MYRF: variants seen among roughly 807,000 people sequenced by gnomAD.
The protein encoded by MYRF is myelin gene regulatory factor.
Under a neutral mutation model 126.3 loss-of-function variants are expected in MYRF, and 16 were observed. The observed-to-expected ratio is 0.13, with a 90% CI of 0.09 to 0.19. The LOEUF (loss-of-function observed/expected upper bound fraction) is 0.19. MYRF is among the 10% of genes least tolerant of loss of function. The probability of loss-of-function intolerance (pLI) is 1.00; values close to 1 mark genes in which losing one functional copy is unlikely to be tolerated. For missense variants in MYRF, 1,104 were observed against 1,547.0 expected (o/e 0.71, Z 4.80); for synonymous variants, 608 against 635.3 (o/e 0.96, Z 0.65).
rs12280921 is a variant in MYRF at position 61,762,494 on chromosome 11, C to T, written c.47-3131C>T. Among the ~76,000 whole-genome samples, 1,100 of 152,308 alleles carry T rather than the reference C, an allele frequency of 7.2e-3. 18 individuals are homozygous for T. Among genetic ancestry groups the T allele is most frequent in the African/African-American group, 0.025 (1,057 of 41,566 alleles). ...GGCCCATGTTCCGCTTCCTGCCTGG[C>T]AGGTACCCCTGCTTGGGCTCCAGTG... On this transcript the variant is annotated intron_variant, in intron 1 of 26. Coordinates refer to ENST00000278836, the MANE Select transcript of MYRF (RefSeq NM_001127392.3).
At chr11:61,771,988 C>G (rs769535193) in intron 7 of MYRF, 36 bp downstream of exon 7, 1 of 1,610,712 alleles carries the variant, frequency 6.2e-7, no homozygotes, top group Non-Finnish European at 8.5e-7. Context: ...TCCTCCAGGC[C>G]CCCCCACCTT....
chr11:61,771,177 G>A (rs1224844639), intron 5 of MYRF, among the ~76,000 whole-genome samples: 1 of 152,214 alleles, frequency 6.6e-6, no homozygotes, highest in African/African-American at 2.4e-5. Context: ...GACACTGCAG[G>A]CAGGGACAAA....
chr11:61,779,520 C>T lies in MYRF; in HGVS notation c.2197C>T (p.Arg733Trp), dbSNP rs372463835. The change falls in exon 16 of 27, where the codon CGG (arginine) becomes TGG (tryptophan). Residue 733 changes from arginine (R) to tryptophan (W), a missense_variant. This residue lies in a region of MYRF where 323 missense variants were observed against 383.1 expected (regional missense o/e 0.84). Coordinates refer to ENST00000278836, the MANE Select transcript of MYRF (RefSeq NM_001127392.3). ...CAGCCATGCAGGGAGCCAGTTCAGTCGGGCGGGCAGCGTCCCCCACAAGAA... is the reference window on the plus strand; with the variant it reads ...CAGCCATGCAGGGAGCCAGTTCAGTTGGGCGGGCAGCGTCCCCCACAAGAA... ...AFSHAGSQFS[R>W]AGSVPHKKRP... The T allele has an allele frequency of 4.4e-5, 66 of 1,516,690 alleles. 1 individual carries two copies. Among genetic ancestry groups the T allele is most frequent in the Middle Eastern group, 3.6e-4 (2 of 5,538 alleles). The allele number at this position is 1,516,690 out of a possible 1,614,324, so 94.0% of individuals were successfully genotyped here. A position where few individuals can be genotyped will look rare whatever the true frequency, so the allele number is the denominator to read the frequency against.
intron 1 of MYRF, chr11:61,755,703 A>G (rs1204493385): frequency 2.0e-5 from 14 of 686,370 alleles, no homozygotes; most frequent in Non-Finnish European, 3.2e-5. Context: ...AGCCCTGGGA[A>G]GGAGAGACAT....
rs750977779 is a variant in MYRF, at chr11:61,771,524, G to A, written c.765G>A (p.Lys255=). ...GAELPTHPSK[K]RKHSESPPST... ...GGCTCCCTACACACCCCTCCAAGAA[G>A]AGGAAGCACTCTGAATCCCCCCCCA... Residue 255 remains lysine (K), a synonymous_variant, in exon 6 of 27, where the codon AAG becomes AAA. Coordinates refer to ENST00000278836, the MANE Select transcript of MYRF (RefSeq NM_001127392.3). 1 of 1,613,746 alleles carries A rather than the reference G, an allele frequency of 6.2e-7. No individual in the cohort carries two copies. The highest frequency in any genetic ancestry group is 2.2e-5 in the East Asian group (1 of 44,866).
In MYRF at chr11:61,775,085, C is replaced by T. The variant is rs540596927; in HGVS notation, c.1311+923C>T. On this transcript the variant is annotated intron_variant, in intron 8 of 26. Transcript: ENST00000278836. Reference sequence around the variant, plus strand: ...CCCTGGAAGATCCCTCTACCTGGTCCGGTCCTCGCCTCTTTCCTGTCCATC... The same window carrying T: ...CCCTGGAAGATCCCTCTACCTGGTCTGGTCCTCGCCTCTTTCCTGTCCATC... Among the ~76,000 whole-genome samples the T allele has an allele frequency of 2.0e-4, 30 of 152,296 alleles. No individual in the cohort carries two copies. The East Asian group carries it at 5.2e-3, about 26-fold the overall frequency.
intron 1 of MYRF, among the ~76,000 whole-genome samples, chr11:61,764,286 G>A (rs1476473463): frequency 1.3e-5 from 2 of 152,204 alleles, no homozygotes; most frequent in African/African-American, 4.8e-5. Context: ...GGGACCCCAG[G>A]GCTCTGGGGC....
In MYRF at chr11:61,771,922, C is replaced by A; in HGVS notation, c.1085C>A (p.Ala362Glu). 6.2e-7 allele frequency: 1 copy of A among 1,614,078 alleles called. No individual in the cohort carries two copies. The highest frequency in any genetic ancestry group is 8.5e-7 in the Non-Finnish European group (1 of 1,179,996). Residue 362 changes from alanine (A) to glutamate (E), a missense_variant, in exon 7 of 27, where the codon GCG (alanine) becomes GAG (glutamate). By Grantham distance (107) the Ala-to-Glu change is moderately radical. Coordinates refer to ENST00000278836, the MANE Select transcript of MYRF (RefSeq NM_001127392.3). ...CAGCCTCATCAGCAGAACAAGTGGGCGACCCTGTACGATGCTAACTACAAG... is the reference window on the plus strand; with the variant it reads ...CAGCCTCATCAGCAGAACAAGTGGGAGACCCTGTACGATGCTAACTACAAG... ...KWQPHQQNKW[A>E]TLYDANYKEL...
chr11:61,765,838 C>G lies in MYRF; in HGVS notation c.135-120C>G, dbSNP rs772118126. On this transcript the variant is annotated intron_variant, in intron 2 of 26. Coordinates refer to ENST00000278836, the MANE Select transcript of MYRF (RefSeq NM_001127392.3). Reference sequence around the variant, plus strand: ...GGTCCCACCTCTGAAAGCTGCTCCTCGTCCCTTCCCAGCCACTGACTCCTC... The same window carrying G: ...GGTCCCACCTCTGAAAGCTGCTCCTGGTCCCTTCCCAGCCACTGACTCCTC... 14 of 1,418,838 alleles carry G rather than the reference C, an allele frequency of 9.9e-6. 1 individual carries two copies. In the South Asian group the frequency reaches 1.8e-4, roughly 18 times the overall value. The allele number at this position is 1,418,838 out of a possible 1,614,324, so 87.9% of individuals were successfully genotyped here.
intron 7 of MYRF, among the ~76,000 whole-genome samples, chr11:61,772,410 G>T (rs1347198033): frequency 6.6e-6 from 1 of 152,238 alleles, no homozygotes; most frequent in African/African-American, 2.4e-5. Context: ...CAGGCCGCAG[G>T]CCGGGAGCCC....
intron 8 of MYRF, 129 bp downstream of exon 8, chr11:61,774,291 G>A: frequency 1.2e-6 from 1 of 835,138 alleles, no homozygotes; most frequent in East Asian, 2.7e-5. Context: ...TTGGGAGTCA[G>A]GCAGATCACT....
At chr11:61,767,106 T>C (rs948185913) in intron 3 of MYRF, 1 of 456,478 alleles carries the variant, frequency 2.2e-6, no homozygotes, top group Non-Finnish European at 4.4e-6. Flanking sequence ...ATGGTGGCCA[T>C]GGACACATGG....
Position 61,777,858 on chromosome 11 carries a change from C to G in MYRF, c.1903+13C>G. 3 of 1,547,946 alleles carry G rather than the reference C, an allele frequency of 1.9e-6. No individual in the cohort carries two copies. Among genetic ancestry groups the G allele is most frequent in the Non-Finnish European group, 2.6e-6 (3 of 1,144,302 alleles). ...GCGCCAGAGACAGGTAGGGACCGGG[C>G]TGGTGCGGACTGGGGTCCGGAAACC... On this transcript the variant is annotated intron_variant, in intron 13 of 26. Coordinates refer to ENST00000278836, the MANE Select transcript of MYRF (RefSeq NM_001127392.3). This position sits in a 1 kb window ranked among gnomAD's most constrained non-coding sequence, Gnocchi z 8.8.
intron 24 of MYRF, 73 bp from the exon 25 acceptor site, chr11:61,784,207 A>G: frequency 7.2e-7 from 1 of 1,395,014 alleles, no homozygotes. Flanking sequence ...GGCGTGTGGC[A>G]GGCTGGCTGG....
intron 22 of MYRF, chr11:61,782,952 T>C (rs771835345): frequency 6.5e-6 from 1 of 152,942 alleles, no homozygotes; most frequent in Non-Finnish European, 1.5e-5. Flanking sequence ...GTATGTGAAC[T>C]AGATGAGCAA....
chr11:61,767,988 C>T (rs1325653211), intron 3 of MYRF, among the ~76,000 whole-genome samples: 2 of 151,766 alleles, frequency 1.3e-5, no homozygotes, highest in Non-Finnish European at 2.9e-5. Flanking sequence ...TGTGGTGGCG[C>T]ATGCCTGTAA....
chr11:61,777,471 A>T lies in MYRF; in HGVS notation c.1791+7A>T, dbSNP rs750814305. On this transcript the variant is annotated splice_region_variant and intron_variant, in intron 12 of 26. Coordinates refer to ENST00000278836, the MANE Select transcript of MYRF (RefSeq NM_001127392.3). The surrounding 1 kb of genome is among the most constrained non-coding windows in gnomAD (Gnocchi z 8.8). ...CAAGGAACACGTGCAGGAGGTGGGGACAGGGCTGTGGGGGCCGGGCGGGTC... is the reference window on the plus strand; with the variant it reads ...CAAGGAACACGTGCAGGAGGTGGGGTCAGGGCTGTGGGGGCCGGGCGGGTC... 2 of 1,600,266 alleles carry T rather than the reference A, an allele frequency of 1.2e-6. No individual in the cohort carries two copies. The highest frequency in any genetic ancestry group is 1.7e-5 in the Admixed American group (1 of 58,200).
chr11:61,771,833 C>T lies in MYRF; in HGVS notation c.996C>T (p.Leu332=), dbSNP rs1253690647. The change falls in exon 7 of 27, where the codon CTC becomes CTT. Residue 332 remains leucine (L), a synonymous_variant. Transcript: ENST00000278836. ...WHPPGAPSPG[L]LQDSDSLSGS... The stretch of plus-strand genomic sequence containing the variant: ...ATGGGCGTTCCCTCCCTCCAGGCCT[C>T]CTGCAGGACAGTGACAGCCTCAGTG... 6 of 1,614,042 alleles carry T rather than the reference C, an allele frequency of 3.7e-6. No homozygotes were observed. The African/African-American group carries it at 6.7e-5, about 18-fold the overall frequency.
At chr11:61,780,354 TCAGAGAGC>T (rs2135865582) in intron 18 of MYRF, 64 bp downstream of exon 18, 1 of 1,405,622 alleles carries the variant, frequency 7.1e-7, no homozygotes, top group East Asian at 2.3e-5. Context: ...CAGTCCCAGG[TCAGAGAGC>T]CATGAGACTG....
Sources: gnomAD v4.1 joint callset for allele counts (sites outside exome capture counted in the v4.1 genomes callset) on GRCh38, gnomAD v4.1.1 for gene constraint, gnomAD v4.1.1 regional missense constraint, Gnocchi (gnomAD v3.1) non-coding constraint, MANE v1.5 for transcripts, NCBI Gene and HGNC (gene_info 2026-07-23, HGNC 2026-07-21) for gene names.